Variants in HAVCR1 observed in about 807,000 individuals in gnomAD.
HAVCR1 encodes hepatitis A virus cellular receptor 1.
In HAVCR1, 34 loss-of-function variants were observed where a neutral mutation model predicts 32.0. The observed-to-expected ratio is 1.06, with a 90% CI of 0.81 to 1.42. The LOEUF is 1.42. HAVCR1 is among the 40% of genes most tolerant of loss of function. HAVCR1 has a pLI of 0.00. For synonymous variants in HAVCR1, 178 were observed against 170.3 expected (o/e 1.05, Z -0.35); for missense variants, 420 against 442.3 (o/e 0.95, Z 0.45).
At chr5:157,036,254 G>A (rs916873576) in intron 7 of HAVCR1, among the ~76,000 whole-genome samples, 3 of 152,204 alleles carry the variant, frequency 2.0e-5, no homozygotes, top group Non-Finnish European at 4.4e-5. Flanking sequence ...CAAGGCAGGC[G>A]GATCACAAGG....
intron 2 of HAVCR1, among the ~76,000 whole-genome samples, chr5:157,056,156 C>T (rs774360521): frequency 6.6e-6 from 1 of 150,494 alleles, no homozygotes; most frequent in South Asian, 2.1e-4. Context: ...TCTTGAACTC[C>T]TGACCTCAAG....
rs772118357 is a variant in HAVCR1, at chr5:157,052,596, C to T, written c.438G>A (p.Thr146=). Residue 146 remains threonine (T), a synonymous_variant, in exon 4 of 9, where the codon ACG becomes ACA. Transcript: ENST00000523175. ...TTVPTVTTVR[T]STTVPTTTTV... is the part of the protein sequence containing the mutation. ...TCGTTGTCGTTGGAACAGTGGTGCT[C>T]GTTCGAACAGTCGTGACGGTTGGAA... 9.3e-6 allele frequency: 15 copies of T among 1,611,936 alleles called. No individual in the cohort carries two copies. The highest frequency in any genetic ancestry group is 5.0e-5 in the Admixed American group (3 of 59,898).
At chr5:157,037,150 G>A (rs906970718) in intron 7 of HAVCR1, 97 bp downstream of exon 7, 21 of 746,066 alleles carry the variant, frequency 2.8e-5, no homozygotes, top group Middle Eastern at 4.9e-4. Context: ...AAGGGAAGTC[G>A]TGTGAAATCA....
Position 157,052,359 on chromosome 5 carries a change from A to T in HAVCR1, c.673+2T>A. The T allele has an allele frequency of 6.2e-7, 1 of 1,613,914 alleles. No individual in the cohort carries two copies. The highest frequency in any genetic ancestry group is 2.2e-5 in the East Asian group (1 of 44,874). On this transcript the variant is annotated splice_donor_variant, in intron 4 of 8. Coordinates refer to ENST00000523175, the MANE Select transcript of HAVCR1 (RefSeq NM_001173393.3). LOFTEE classifies it high-confidence loss of function. ...TTGGGCTTCCAAACACATCTGTTTT[A>T]CCTGGTTCATGGTTCTGCCTGGGCA...
At chr5:157,052,312 G>T in intron 4 of HAVCR1, 49 bp downstream of exon 4, 1 of 1,544,906 alleles carries the variant, frequency 6.5e-7, no homozygotes, top group East Asian at 2.2e-5. Context: ...TGGATGGTCC[G>T]CAGCTCCTCA....
chr5:157,057,448 A>AAAGAAAGG (rs1756268523), intron 2 of HAVCR1, among the ~76,000 whole-genome samples: 2 of 138,798 alleles, frequency 1.4e-5, no homozygotes, highest in African/African-American at 5.1e-5. Context: ...AGAAAGAAAG[A>AAAGAAAGG]AAGAAAGAAA....
At chr5:157,057,382 GAGAGGAAAGAAAGAAAGAAAGAAA>G (rs1301374313) in intron 2 of HAVCR1, among the ~76,000 whole-genome samples, 36 of 133,924 alleles carry the variant, frequency 2.7e-4, no homozygotes, top group Non-Finnish European at 3.7e-4. Context: ...GAGAGAGAGA[GAGAGGAAAGAAAGAAAGAAAGAAA>G]GAAAGAAAGA....
chr5:157,040,670 C>T (rs1363708165), intron 6 of HAVCR1, among the ~76,000 whole-genome samples: 3 of 152,168 alleles, frequency 2.0e-5, no homozygotes, highest in African/African-American at 4.8e-5. Flanking sequence ...GAGGCCAAGG[C>T]AGGCAGATCA....
chr5:157,039,051 A>G (rs1754710514), intron 6 of HAVCR1, among the ~76,000 whole-genome samples: 1 of 152,088 alleles, frequency 6.6e-6, no homozygotes, highest in Non-Finnish European at 1.5e-5. Context: ...GCCTGGGAGG[A>G]TGAGTCTGCA....
chr5:157,040,448 T>C (rs991969484), intron 6 of HAVCR1, among the ~76,000 whole-genome samples: 2 of 152,266 alleles, frequency 1.3e-5, no homozygotes, highest in Non-Finnish European at 2.9e-5. Context: ...AATCAGTGCA[T>C]GCCATACAAG....
intron 5 of HAVCR1, among the ~76,000 whole-genome samples, chr5:157,043,931 A>T (rs1561589055): frequency 1.3e-5 from 2 of 152,238 alleles, no homozygotes; most frequent in Admixed American, 6.5e-5. Context: ...GAAATTCTGT[A>T]ACTGGTGACA....
chr5:157,049,194 G>A lies in HAVCR1; in HGVS notation c.674-49C>T, dbSNP rs766190096. On this transcript the variant is annotated intron_variant, in intron 4 of 8. Transcript: ENST00000523175. ...TTGTTCCATTTGTGGAGGAAAATGT[G>A]CACCCCAAGAAAAATAAAGAACAAA... 78 of 1,125,036 alleles carry A rather than the reference G, an allele frequency of 6.9e-5. No individual in the cohort carries two copies. In the South Asian group the frequency reaches 9.1e-4, roughly 13 times the overall value. 69.7% of individuals were successfully genotyped at this position (1,125,036 alleles called of 1,614,324 possible).
chr5:157,052,572 C>T lies in HAVCR1; in HGVS notation c.462G>A (p.Thr154=), dbSNP rs192652646. Residue 154 remains threonine, a synonymous_variant, in exon 4 of 9, where the codon ACG becomes ACA. Coordinates refer to ENST00000523175, the MANE Select transcript of HAVCR1 (RefSeq NM_001173393.3). The part of the protein sequence containing the change: ...VRTSTTVPTT[T]TVPMTTVPTT... ...TTGGAACAGTCGTCATTGGAACAGT[C>T]GTTGTCGTTGGAACAGTGGTGCTCG... is the stretch of plus-strand genomic sequence containing the variant. 11 of 1,403,226 alleles carry T rather than the reference C, an allele frequency of 7.8e-6. No homozygotes were observed. The highest frequency in any genetic ancestry group is 5.0e-5 in the South Asian group (4 of 79,604). 86.9% of individuals were successfully genotyped at this position (1,403,226 alleles called of 1,614,324 possible).
At chr5:157,060,002 A>G (rs1402229042), upstream of HAVCR1, among the ~76,000 whole-genome samples, 1 of 152,166 alleles carries the variant, frequency 6.6e-6, no homozygotes, top group African/African-American at 2.4e-5. Flanking sequence ...GATTGAAAAA[A>G]AAAAGCTAAT....
intron 7 of HAVCR1, among the ~76,000 whole-genome samples, chr5:157,033,581 G>T (rs1357806028): frequency 2.7e-5 from 4 of 146,102 alleles, no homozygotes; most frequent in Non-Finnish European, 6.1e-5. Context: ...CGGGGGCGGG[G>T]GCGGGTGGGG....
Position 157,029,666 on chromosome 5 carries a change from G to A in HAVCR1, c.*67C>T, listed in dbSNP as rs1179256735. ...TTGTCTTGGGGTCTAAAAGACGTCT[G>A]ATGTGCTGATGTCTGTTCAGTCTTC... On this transcript the variant is annotated 3_prime_UTR_variant, in exon 9 of 9. Transcript: ENST00000523175. 1.2e-6 allele frequency: 2 copies of A among 1,605,518 alleles called. No homozygotes were observed. The highest frequency in any genetic ancestry group is 2.7e-5 in the African/African-American group (2 of 74,816).
At chr5:157,032,243 G>A (rs998659176) in intron 8 of HAVCR1, among the ~76,000 whole-genome samples, 1 of 152,166 alleles carries the variant, frequency 6.6e-6, no homozygotes, top group African/African-American at 2.4e-5. Flanking sequence ...AAATGGCCGG[G>A]CGCGGTGGCT....
At chr5:157,054,664 A>G (rs776850713) in intron 3 of HAVCR1, among the ~76,000 whole-genome samples, 5 of 152,210 alleles carry the variant, frequency 3.3e-5, no homozygotes, top group Non-Finnish European at 7.3e-5. Flanking sequence ...TGTGGGTTCT[A>G]TATCTGTAGA....
At chr5:157,044,193 G>A (rs979661645) in intron 5 of HAVCR1, among the ~76,000 whole-genome samples, 2 of 151,586 alleles carry the variant, frequency 1.3e-5, no homozygotes, top group Non-Finnish European at 2.9e-5. Flanking sequence ...ATTAGCCAGC[G>A]TGATGCTGCA....
Sources: gnomAD v4.1 joint callset for allele counts (sites outside exome capture counted in the v4.1 genomes callset) on GRCh38, gnomAD v4.1.1 for gene constraint, MANE v1.5 for transcripts, NCBI Gene and HGNC (gene_info 2026-07-23, HGNC 2026-07-21) for gene names.